PLCL1: variants seen among roughly 807,000 people sequenced by gnomAD.
PLCL1 encodes inactive phospholipase C-like protein 1.
A neutral mutation model predicts 84.4 loss-of-function variants in PLCL1; 41 were observed. The observed-to-expected ratio is 0.49, with a 90% CI of 0.38 to 0.63. The LOEUF (loss-of-function observed/expected upper bound fraction) is 0.63. Ranked by LOEUF, PLCL1 falls within the 30% of genes least tolerant of loss-of-function variation. PLCL1 has a pLI of 0.00. For synonymous variants in PLCL1, 490 were observed against 488.3 expected, an observed-to-expected ratio of 1.00 and a Z score of -0.05; for missense variants, 1,206 against 1,367.8, an observed-to-expected ratio of 0.88 and a Z score of 1.87.
At chr2:198,090,442 AT>A (rs1692996613) in intron 3 of PLCL1, among the ~76,000 whole-genome samples, 1 of 152,176 alleles carries the variant, frequency 6.6e-6, no homozygotes, top group African/African-American at 2.4e-5. Context: ...TAATTTTATA[AT>A]TGCATAAAAT....
At chr2:198,093,524 G>A (rs1693107920) in intron 3 of PLCL1, among the ~76,000 whole-genome samples, 1 of 152,138 alleles carries the variant, frequency 6.6e-6, no homozygotes. Context: ...GGATGAATAA[G>A]GGAAAAAAGC....
intron 1 of PLCL1, among the ~76,000 whole-genome samples, chr2:197,910,891 G>A (rs1688473189): frequency 6.6e-6 from 1 of 152,118 alleles, no homozygotes; most frequent in African/African-American, 2.4e-5. Context: ...AAATGTAAGA[G>A]GGAAGCTAGA....
chr2:197,832,050 G>A (rs1055713282), intron 1 of PLCL1, among the ~76,000 whole-genome samples: 5 of 152,154 alleles, frequency 3.3e-5, no homozygotes, highest in African/African-American at 9.7e-5. Flanking sequence ...ACAGGAGAAA[G>A]TGGGGAAGAT....
intron 1 of PLCL1, among the ~76,000 whole-genome samples, chr2:197,851,378 GTAA>G (rs1687232874): frequency 6.6e-6 from 1 of 152,204 alleles, no homozygotes; most frequent in African/African-American, 2.4e-5. Flanking sequence ...AGCTTATCAA[GTAA>G]TAATCAATCT....
intron 1 of PLCL1, among the ~76,000 whole-genome samples, chr2:198,013,756 A>G (rs1363878010): frequency 6.6e-6 from 1 of 152,180 alleles, no homozygotes; most frequent in Non-Finnish European, 1.5e-5. Flanking sequence ...GGATTTAAAC[A>G]TCTAAGTGGG....
chr2:197,995,918 A>G (rs1035954619), intron 1 of PLCL1, among the ~76,000 whole-genome samples: 3 of 152,194 alleles, frequency 2.0e-5, no homozygotes, highest in African/African-American at 7.2e-5. Flanking sequence ...TTGAAAGGTT[A>G]AATTGTCACA....
chr2:197,922,757 G>T (rs1688732851), intron 1 of PLCL1, among the ~76,000 whole-genome samples: 3 of 121,478 alleles, frequency 2.5e-5, no homozygotes, highest in African/African-American at 5.9e-5. Context: ...CCCGGACGGG[G>T]TGGCTGGCCG....
At chr2:197,983,195 CTTTTCTTTTTTTTTT>C (rs1690150085) in intron 1 of PLCL1, among the ~76,000 whole-genome samples, 8 of 51,694 alleles carry the variant, frequency 1.5e-4, no homozygotes, top group African/African-American at 5.3e-4. Context: ...TTTTTCTTTT[CTTTTCTTTTTTTTTT>C]TTTTTTTTTT....
intron 1 of PLCL1, among the ~76,000 whole-genome samples, chr2:197,979,479 G>A (rs78278476): frequency 2.0e-5 from 3 of 152,086 alleles, no homozygotes; most frequent in Non-Finnish European, 4.4e-5. Context: ...TGTAGGGGCC[G>A]GATTTCTGAC....
intron 5 of PLCL1, 144 bp from the exon 6 acceptor site, chr2:198,146,636 G>T: frequency 1.7e-6 from 1 of 604,682 alleles, no homozygotes. Flanking sequence ...AAAGAACCTT[G>T]GGTTAAACCC....
intron 1 of PLCL1, among the ~76,000 whole-genome samples, chr2:197,953,780 G>A (rs1339481874): frequency 6.6e-6 from 1 of 151,666 alleles, no homozygotes; most frequent in Non-Finnish European, 1.5e-5. Context: ...GACATCTAAG[G>A]ATCAACATTT....
chr2:197,936,771 A>G (rs1689062908), intron 1 of PLCL1, among the ~76,000 whole-genome samples: 1 of 151,760 alleles, frequency 6.6e-6, no homozygotes, highest in Non-Finnish European at 1.5e-5. Flanking sequence ...CCGTTTGTCT[A>G]TTTTTGCTTT....
Position 197,836,270 on chromosome 2 carries a change from C to T in PLCL1, c.240+30931C>T, listed in dbSNP as rs954415049. Among the ~76,000 whole-genome samples, 3 of 151,514 alleles carry T rather than the reference C, an allele frequency of 2.0e-5. No homozygotes were observed. In the East Asian group the frequency reaches 5.8e-4, roughly 29 times the overall value. ...ACCATCCCGGCTAAAACGGTGAAAC[C>T]CCGTCTCTACTAAAAAAATACAAAA... On this transcript the variant is annotated intron_variant, in intron 1 of 5. Transcript: ENST00000428675.
At chr2:197,976,524 C>T (rs534765860) in intron 1 of PLCL1, among the ~76,000 whole-genome samples, 1 of 152,320 alleles carries the variant, frequency 6.6e-6, no homozygotes, top group South Asian at 2.1e-4. Context: ...ACTCGGCTCA[C>T]TGCAACCTCT....
chr2:198,087,814 A>G (rs943344819), intron 2 of PLCL1, among the ~76,000 whole-genome samples: 1 of 152,154 alleles, frequency 6.6e-6, no homozygotes, highest in East Asian at 1.9e-4. Context: ...TATACCTACT[A>G]TGTACCTGCA....
At chr2:198,021,593 C>A (rs1160284126) in intron 1 of PLCL1, among the ~76,000 whole-genome samples, 1 of 152,100 alleles carries the variant, frequency 6.6e-6, no homozygotes, top group Non-Finnish European at 1.5e-5. Flanking sequence ...ATACAAACTA[C>A]CATCGGAGAA....
At chr2:197,935,368 T>A (rs778166024) in intron 1 of PLCL1, among the ~76,000 whole-genome samples, 3 of 152,156 alleles carry the variant, frequency 2.0e-5, no homozygotes, top group Non-Finnish European at 4.4e-5. Flanking sequence ...TAAATGCCCA[T>A]CAGTGGTAGA....
chr2:197,866,975 T>C (rs1419247342), intron 1 of PLCL1, among the ~76,000 whole-genome samples: 2 of 152,140 alleles, frequency 1.3e-5, no homozygotes, highest in East Asian at 1.9e-4. Flanking sequence ...GAAGGACCAG[T>C]AGGATCAATG....
At chr2:197,876,675 T>C (rs1025505466) in intron 1 of PLCL1, among the ~76,000 whole-genome samples, 2 of 151,972 alleles carry the variant, frequency 1.3e-5, no homozygotes, top group African/African-American at 4.8e-5. Flanking sequence ...TAGAAGTGAG[T>C]TCTTCATTTT....
Sources: allele counts gnomAD v4.1 joint callset (sites outside exome capture counted in the v4.1 genomes callset), GRCh38; gene constraint gnomAD v4.1.1; transcripts MANE v1.5; gene names NCBI Gene and HGNC (gene_info 2026-07-23, HGNC 2026-07-21).